Variants in UPB1 observed in about 807,000 individuals in gnomAD.
UPB1 encodes beta-ureidopropionase.
Under a neutral mutation model 49.1 loss-of-function variants are expected in UPB1, and 40 were observed. The observed-to-expected ratio is 0.81, with a 90% CI of 0.63 to 1.06. The LOEUF is 1.06. UPB1 is among the 50% of genes least tolerant of loss of function. UPB1 has a pLI of 0.00. For missense variants in UPB1, 499 were observed against 505.9 expected (o/e 0.99, Z 0.13); for synonymous variants, 207 against 198.2 (o/e 1.04, Z -0.38).
intron 9 of UPB1, among the ~76,000 whole-genome samples, chr22:24,524,807 G>A (rs960606567): frequency 6.6e-6 from 1 of 152,142 alleles, no homozygotes; most frequent in African/African-American, 2.4e-5. Context: ...CCTTTTATAA[G>A]CAAATTGTAT....
intron 4 of UPB1, among the ~76,000 whole-genome samples, chr22:24,512,076 A>G (rs1035796317): frequency 1.3e-5 from 2 of 152,074 alleles, no homozygotes; most frequent in Admixed American, 6.6e-5. Context: ...AGCTATAATC[A>G]TGGTGACTTT....
At chr22:24,495,541 T>C (rs1568975914) in intron 1 of UPB1, 34 bp downstream of exon 1, 2 of 1,610,392 alleles carry the variant, frequency 1.2e-6, no homozygotes, top group Non-Finnish European at 8.5e-7. Context: ...AATGGGGTCT[T>C]GGGGCCACAG....
rs780484134 is a variant in UPB1, at chr22:24,500,119, G to T, written c.117G>T (p.Leu39=). 3 of 1,614,146 alleles carry T rather than the reference G, an allele frequency of 1.9e-6. No homozygotes were observed. The highest frequency in any genetic ancestry group is 1.7e-5 in the Admixed American group (1 of 60,018). ...CCTGCCCATCTAGGAAGCTTGATCTGCCCAGGGAAGCTTTCGAAGCTGCCT... is the reference window on the plus strand; with the variant it reads ...CCTGCCCATCTAGGAAGCTTGATCTTCCCAGGGAAGCTTTCGAAGCTGCCT... ...LYGKELRKLD[L]PREAFEAASR... is the part of the protein sequence containing the mutation. Residue 39 remains leucine (L), a synonymous_variant, in exon 2 of 10, where the codon CTG becomes CTT. Transcript: ENST00000326010.
In UPB1 at chr22:24,523,350, G is replaced by A. The variant is rs573729095; in HGVS notation, c.917-269G>A. The stretch of plus-strand genomic sequence containing the variant: ...TGTGACTTTCTGTTTTCCTTAGGCT[G>A]TGGGTAGAAGTGACACCTCTCAGAA... On this transcript the variant is annotated intron_variant, in intron 8 of 9. Coordinates refer to ENST00000326010, the MANE Select transcript of UPB1 (RefSeq NM_016327.3). Among the ~76,000 whole-genome samples the A allele has an allele frequency of 3.9e-5, 6 of 152,368 alleles. No homozygotes were observed. In the South Asian group the frequency reaches 1.2e-3, roughly 32 times the overall value.
In UPB1 at chr22:24,526,018, G is replaced by A. The variant is rs1461215770; in HGVS notation, c.*224G>A. On this transcript the variant is annotated 3_prime_UTR_variant, in exon 10 of 10. Coordinates refer to ENST00000326010, the MANE Select transcript of UPB1 (RefSeq NM_016327.3). ...GTTTGGGGACTAGGTAGAGGTGAAT[G>A]TACTAAATGCCACTGAATTTGTATA... The A allele has an allele frequency of 1.6e-5, 9 of 579,480 alleles. No individual in the cohort carries two copies. The highest frequency in any genetic ancestry group is 3.8e-5 in the African/African-American group (2 of 53,238). 35.9% of individuals were successfully genotyped at this position (579,480 alleles called of 1,614,324 possible).
intron 8 of UPB1, among the ~76,000 whole-genome samples, chr22:24,522,943 T>TAAA (rs747503249): frequency 1.2e-4 from 8 of 66,370 alleles, no homozygotes; most frequent in South Asian, 5.1e-4. Flanking sequence ...AAATGCCACC[T>TAAA]AAAAAAAAAA....
rs553922669 is a variant in UPB1, at chr22:24,517,480, C to T, written c.791+2110C>T. Among the ~76,000 whole-genome samples the T allele has an allele frequency of 5.9e-5, 9 of 152,302 alleles. No individual in the cohort carries two copies. In the East Asian group the frequency reaches 1.2e-3, roughly 20 times the overall value. On this transcript the variant is annotated intron_variant, in intron 6 of 9. Coordinates refer to ENST00000326010, the MANE Select transcript of UPB1 (RefSeq NM_016327.3). The stretch of plus-strand genomic sequence containing the variant: ...TCCCACTGGGGTCCCTAGAGGAACC[C>T]GAAGCACTAGGGCATCTGGCTTCTG...
At chr22:24,522,660 GGTGTCTCATGCCTGTAA>G (rs2044415163) in intron 8 of UPB1, among the ~76,000 whole-genome samples, 1 of 151,826 alleles carries the variant, frequency 6.6e-6, no homozygotes, top group Admixed American at 6.6e-5. Context: ...GGCCAGGCAT[GGTGTCTCATGCCTGTAA>G]TCCCAGTACT....
At chr22:24,503,963 T>C (rs1264177871) in intron 3 of UPB1, among the ~76,000 whole-genome samples, 1 of 152,238 alleles carries the variant, frequency 6.6e-6, no homozygotes, top group East Asian at 1.9e-4. Context: ...GTTGGGCTCC[T>C]AGGGCCAGAG....
intron 4 of UPB1, among the ~76,000 whole-genome samples, chr22:24,511,682 C>T (rs187995475): frequency 8.9e-5 from 13 of 146,386 alleles, no homozygotes; most frequent in Admixed American, 1.4e-4. Context: ...GGCACGATCT[C>T]GGTTCACTGC....
Position 24,515,333 on chromosome 22 carries a change from A to T in UPB1, c.754A>T (p.Ile252Phe), listed in dbSNP as rs1047389346. ...WLMYSINGAE[I>F]IFNPSATIGA... ...TATGTACAGCATCAACGGGGCTGAGATCATCTTCAACCCCTCGGCCACGAT... is the reference window on the plus strand; with the variant it reads ...TATGTACAGCATCAACGGGGCTGAGTTCATCTTCAACCCCTCGGCCACGAT... Residue 252 changes from isoleucine (I) to phenylalanine (F), a missense_variant, in exon 6 of 10, where the codon ATC becomes TTC. Physicochemically the swap from Ile to Phe is conservative, Grantham distance 21 (BLOSUM62 0). Coordinates refer to ENST00000326010, the MANE Select transcript of UPB1 (RefSeq NM_016327.3). The T allele has an allele frequency of 6.2e-7, 1 of 1,614,096 alleles. No individual in the cohort carries two copies. The highest frequency in any genetic ancestry group is 1.7e-5 in the Admixed American group (1 of 60,006).
chr22:24,525,922 C>A lies in UPB1; in HGVS notation c.*128C>A. The A allele has an allele frequency of 8.3e-7, 1 of 1,211,518 alleles. No homozygotes were observed. Among genetic ancestry groups the A allele is most frequent in the Non-Finnish European group, 1.2e-6 (1 of 829,822 alleles). 75.0% of individuals were successfully genotyped at this position (1,211,518 alleles called of 1,614,324 possible). A position where few individuals can be genotyped will look rare whatever the true frequency, so the allele number is the denominator to read the frequency against. ...CCAGGTTGGTTTTAAAATTCCCAGG[C>A]AGGGGGAGAGTGGCATGGGGAGTGA... On this transcript the variant is annotated 3_prime_UTR_variant, in exon 10 of 10. Transcript: ENST00000326010.
At chr22:24,510,957 T>A in intron 4 of UPB1, 114 bp downstream of exon 4, 1 of 1,081,124 alleles carries the variant, frequency 9.2e-7, no homozygotes, top group Non-Finnish European at 1.4e-6. Flanking sequence ...CATTTGGTGC[T>A]TGTTTTGCCA....
intron 1 of UPB1, among the ~76,000 whole-genome samples, chr22:24,496,666 C>A (rs1223176657): frequency 1.3e-5 from 2 of 152,100 alleles, no homozygotes; most frequent in African/African-American, 4.8e-5. Context: ...GCTTGTTGAG[C>A]TGCCCTGGAG....
rs147439637 is a variant in UPB1, at chr22:24,502,401, T to G, written c.364+188T>G. 5.6e-4 allele frequency: 447 copies of G among 792,060 alleles called. 6 individuals are homozygous for G. The East Asian group carries it at 9.0e-3, about 16-fold the overall frequency. 49.1% of individuals were successfully genotyped at this position (792,060 alleles called of 1,614,324 possible). A position where few individuals can be genotyped will look rare whatever the true frequency, so the allele number is the denominator to read the frequency against. Reference sequence around the variant, plus strand: ...GTTACGCACCGAGCTGTTGTCTGATTCCTTCAGTTTTCCCACATCGTTCTG... The same window carrying G: ...GTTACGCACCGAGCTGTTGTCTGATGCCTTCAGTTTTCCCACATCGTTCTG... On this transcript the variant is annotated intron_variant, in intron 3 of 9. Transcript: ENST00000326010.
At chr22:24,521,884 G>A (rs2232868) in intron 7 of UPB1, 102 bp from the exon 8 acceptor site, 198,305 of 1,235,230 alleles carry the variant, frequency 0.16, 16,857 homozygotes, top group South Asian at 0.23. Context: ...TGGCTGACTC[G>A]CCTCTCGGCC....
intron 3 of UPB1, among the ~76,000 whole-genome samples, chr22:24,509,825 C>T (rs1028207429): frequency 2.0e-5 from 3 of 152,196 alleles, no homozygotes; most frequent in Non-Finnish European, 2.9e-5. Flanking sequence ...TCACCATGAT[C>T]TCCAGAACTT....
chr22:24,515,372 T>G lies in UPB1; in HGVS notation c.791+2T>G. On this transcript the variant is annotated splice_donor_variant, in intron 6 of 9. Coordinates refer to ENST00000326010, the MANE Select transcript of UPB1 (RefSeq NM_016327.3). LOFTEE classifies it high-confidence loss of function. ...CTCGGCCACGATAGGAGCACTCAGGTCACTCAGTTGGTGGGGTCTGGGGGG... is the reference window on the plus strand; with the variant it reads ...CTCGGCCACGATAGGAGCACTCAGGGCACTCAGTTGGTGGGGTCTGGGGGG... 1 of 1,613,982 alleles carries G rather than the reference T, an allele frequency of 6.2e-7. No homozygotes were observed. The highest frequency in any genetic ancestry group is 8.5e-7 in the Non-Finnish European group (1 of 1,179,942).
rs774048265 is a variant in UPB1, at chr22:24,495,498, A to G, written c.95A>G (p.Lys32Arg). The G allele has an allele frequency of 1.2e-6, 2 of 1,614,076 alleles. No homozygotes were observed. The highest frequency in any genetic ancestry group is 2.2e-5 in the East Asian group (1 of 44,882). The part of the protein sequence containing the change: ...LQEVKRVLYG[K>R]ELRKLDLPRE... ...GAAGTGAAGCGCGTTCTCTATGGCA[A>G]GGAACTCAGGTCCGCAGCCAAGAGG... Residue 32 changes from lysine (K) to arginine (R), a missense_variant, in exon 1 of 10, where the codon AAG becomes AGG. Physicochemically the swap from Lys to Arg is conservative, Grantham distance 26. Coordinates refer to ENST00000326010, the MANE Select transcript of UPB1 (RefSeq NM_016327.3).
Sources: allele counts gnomAD v4.1 joint callset (sites outside exome capture counted in the v4.1 genomes callset), GRCh38; gene constraint gnomAD v4.1.1; transcripts MANE v1.5; gene names NCBI Gene and HGNC (gene_info 2026-07-23, HGNC 2026-07-21).